The following PRKACB variants were observed in gnomAD, a reference collection of about 807,000 sequenced individuals.
PRKACB encodes protein kinase cAMP-activated catalytic subunit beta, also known as cAMP-dependent protein kinase catalytic subunit beta.
In PRKACB, 16 loss-of-function variants were observed where a neutral mutation model predicts 51.4. The observed-to-expected ratio is 0.31, with a 90% CI of 0.21 to 0.47. The LOEUF (loss-of-function observed/expected upper bound fraction) is 0.47, where lower values mean the gene tolerates loss of function less well. Ranked by LOEUF, PRKACB falls within the 20% of genes least tolerant of loss-of-function variation. The pLI, the probability that PRKACB is intolerant of heterozygous loss-of-function variation, is 1.00. For synonymous variants in PRKACB, 147 were observed against 154.4 expected, an observed-to-expected ratio of 0.95 and a Z score of 0.35; for missense variants, 309 against 464.5, an observed-to-expected ratio of 0.67 and a Z score of 3.08.
chr1:84,163,337 C>T (rs772877256), intron 1 of PRKACB, among the ~76,000 whole-genome samples: 2 of 152,064 alleles, frequency 1.3e-5, no homozygotes, highest in Non-Finnish European at 2.9e-5. Context: ...CTGTCTGTCT[C>T]ATCTTCATTT....
At chr1:84,091,069 C>T (rs1648430730) in intron 1 of PRKACB, among the ~76,000 whole-genome samples, 1 of 152,110 alleles carries the variant, frequency 6.6e-6, no homozygotes, top group Middle Eastern at 3.2e-3. Context: ...TTTCTCTTTC[C>T]CTTTCTCATC....
intron 8 of PRKACB, among the ~76,000 whole-genome samples, chr1:84,211,421 C>A (rs1355310765): frequency 6.6e-6 from 1 of 152,068 alleles, no homozygotes; most frequent in Non-Finnish European, 1.5e-5. Flanking sequence ...AGATTTATCA[C>A]TGGAAAAATC....
At chr1:84,217,587 A>C (rs1024014723) in intron 9 of PRKACB, among the ~76,000 whole-genome samples, 1 of 152,160 alleles carries the variant, frequency 6.6e-6, no homozygotes, top group Non-Finnish European at 1.5e-5. Flanking sequence ...TTGAGCCAAG[A>C]GTTCAAGACT....
At chr1:84,234,887 C>T (rs919889378) in intron 9 of PRKACB, among the ~76,000 whole-genome samples, 5 of 152,204 alleles carry the variant, frequency 3.3e-5, no homozygotes, top group African/African-American at 9.6e-5. Context: ...GTGTCCCTCA[C>T]GCTGGGAGCT....
intron 1 of PRKACB, among the ~76,000 whole-genome samples, chr1:84,120,979 T>A (rs1651018607): frequency 6.6e-6 from 1 of 152,028 alleles, no homozygotes; most frequent in African/African-American, 2.4e-5. Flanking sequence ...CTTAGGTAAT[T>A]TTTGAAGTAA....
chr1:84,198,065 G>A (rs1250140900), intron 7 of PRKACB, among the ~76,000 whole-genome samples: 2 of 151,948 alleles, frequency 1.3e-5, no homozygotes, highest in Non-Finnish European at 2.9e-5. Flanking sequence ...ATGACCTCTA[G>A]ATCCATGTTT....
chr1:84,228,512 T>C (rs1020932393), intron 9 of PRKACB, among the ~76,000 whole-genome samples: 1 of 53,672 alleles, frequency 1.9e-5, no homozygotes, highest in African/African-American at 4.3e-5. Flanking sequence ...CTGTGCAGAT[T>C]ATGATTTTTT....
Position 84,235,852 on chromosome 1 carries a change from G to T in PRKACB, c.*547G>T. On this transcript the variant is annotated 3_prime_UTR_variant, in exon 10 of 10. Coordinates refer to ENST00000370685, the MANE Select transcript of PRKACB (RefSeq NM_182948.4). ...CACCAAGGAAATTTATACAAATTAA[G>T]ACTAACTTTCTTGGAATTCACTATT... 6.5e-6 allele frequency: 1 copy of T among 153,012 alleles called. No homozygotes were observed. The highest frequency in any genetic ancestry group is 1.5e-5 in the Non-Finnish European group (1 of 68,260). 9.5% of individuals were successfully genotyped at this position (153,012 alleles called of 1,614,324 possible). A position where few individuals can be genotyped will look rare whatever the true frequency, so the allele number is the denominator to read the frequency against.
At chr1:84,114,616 A>G (rs1325295572) in intron 1 of PRKACB, among the ~76,000 whole-genome samples, 1 of 152,158 alleles carries the variant, frequency 6.6e-6, no homozygotes, top group Non-Finnish European at 1.5e-5. Flanking sequence ...AACATTGAAT[A>G]TATTCCATTT....
At position 84,238,416 on chromosome 1, in the gene PRKACB, G is replaced by A. The variant is rs1055579376; in HGVS notation, c.*3111G>A. 16 of 152,560 alleles carry A rather than the reference G, an allele frequency of 1.0e-4. No individual in the cohort carries two copies. The highest frequency in any genetic ancestry group is 3.9e-4 in the African/African-American group (16 of 41,426). 9.5% of individuals were successfully genotyped at this position (152,560 alleles called of 1,614,324 possible). On this transcript the variant is annotated 3_prime_UTR_variant, in exon 10 of 10. Coordinates refer to ENST00000370685, the MANE Select transcript of PRKACB (RefSeq NM_182948.4). ...AGAATGGAATTTCCTATGCACTACTGTAGCTAGGAAATGCTGAAAACAACT... is the reference window on the plus strand; with the variant it reads ...AGAATGGAATTTCCTATGCACTACTATAGCTAGGAAATGCTGAAAACAACT...
intron 2 of PRKACB, among the ~76,000 whole-genome samples, chr1:84,179,624 A>G (rs2100951080): frequency 6.6e-6 from 1 of 152,066 alleles, no homozygotes; most frequent in South Asian, 2.1e-4. Flanking sequence ...TTGGCTATCA[A>G]CAACATCCCT....
intron 1 of PRKACB, among the ~76,000 whole-genome samples, chr1:84,079,624 C>T (rs532103391): frequency 2.0e-5 from 3 of 152,182 alleles, no homozygotes; most frequent in East Asian, 3.9e-4. Flanking sequence ...GCATGTTATA[C>T]GGAGATTTAA....
intron 7 of PRKACB, among the ~76,000 whole-genome samples, chr1:84,198,855 G>C (rs1358915594): frequency 6.7e-6 from 1 of 148,278 alleles, no homozygotes; most frequent in African/African-American, 2.5e-5. Flanking sequence ...ATGTGTATAT[G>C]TGTATATATA....
At chr1:84,217,176 A>G (rs879669944) in intron 9 of PRKACB, among the ~76,000 whole-genome samples, 1 of 152,188 alleles carries the variant, frequency 6.6e-6, no homozygotes, top group Non-Finnish European at 1.5e-5. Flanking sequence ...TTTGGTGAGA[A>G]AGATTAGATG....
At chr1:84,139,509 C>T (rs1442033617), upstream of PRKACB, among the ~76,000 whole-genome samples, 1 of 152,032 alleles carries the variant, frequency 6.6e-6, no homozygotes, top group Non-Finnish European at 1.5e-5. Flanking sequence ...AGGTATAAAT[C>T]TAACAAAATT....
chr1:84,169,517 T>G (rs1254527495), intron 1 of PRKACB, among the ~76,000 whole-genome samples: 1 of 151,560 alleles, frequency 6.6e-6, no homozygotes, highest in Non-Finnish European at 1.5e-5. Context: ...TGTGAAGATC[T>G]CTCCAGATAG....
At chr1:84,125,753 A>G (rs1254749014) in intron 1 of PRKACB, among the ~76,000 whole-genome samples, 1 of 152,034 alleles carries the variant, frequency 6.6e-6, no homozygotes, top group Admixed American at 6.5e-5. Context: ...ATTAAAATAA[A>G]ATTTAGAAGG....
intron 1 of PRKACB, among the ~76,000 whole-genome samples, chr1:84,120,393 C>T (rs1162203285): frequency 6.6e-6 from 1 of 151,986 alleles, no homozygotes; most frequent in Non-Finnish European, 1.5e-5. Context: ...TTGTGATGTG[C>T]TTGTTATTGT....
At chr1:84,207,230 G>A (rs1671468671) in intron 8 of PRKACB, among the ~76,000 whole-genome samples, 1 of 152,140 alleles carries the variant, frequency 6.6e-6, no homozygotes, top group Non-Finnish European at 1.5e-5. Context: ...AGAGCAGGGG[G>A]AGGGAGAATG....
Sources: gnomAD v4.1 joint callset for allele counts (sites outside exome capture counted in the v4.1 genomes callset) on GRCh38, gnomAD v4.1.1 for gene constraint, MANE v1.5 for transcripts, NCBI Gene and HGNC (gene_info 2026-07-23, HGNC 2026-07-21) for gene names.